CLPSL1: variants seen among roughly 807,000 people sequenced by gnomAD.
The protein encoded by CLPSL1 is colipase like 1.
A neutral mutation model predicts 9.3 loss-of-function variants in CLPSL1; 13 were observed. That is an observed-to-expected ratio of 1.40 (90% CI 0.91 to 2.22). CLPSL1 has a LOEUF of 2.22. Among genes scored for constraint, CLPSL1 ranks in the 30% most tolerant of loss-of-function variants. The pLI is 0.00. For missense variants in CLPSL1, 164 were observed against 146.6 expected (o/e 1.12, Z -0.61); for synonymous variants, 58 against 56.9 (o/e 1.02, Z -0.08).
chr6:35,793,939 G>T (rs1354845675), downstream of CLPSL1, among the ~76,000 whole-genome samples: 1 of 152,248 alleles, frequency 6.6e-6, no homozygotes, highest in African/African-American at 2.4e-5. Context: ...GGCTCCAGGG[G>T]ATATACAATT....
intron 1 of CLPSL1, among the ~76,000 whole-genome samples, chr6:35,783,650 CA>C (rs1422307759): frequency 6.7e-6 from 1 of 149,522 alleles, no homozygotes; most frequent in African/African-American, 2.5e-5. Context: ...ACTAAAAATA[CA>C]AAAAAAATTA....
downstream of CLPSL1, among the ~76,000 whole-genome samples, chr6:35,791,306 G>T (rs1037399788): frequency 6.6e-6 from 1 of 150,654 alleles, no homozygotes; most frequent in African/African-American, 2.4e-5. Flanking sequence ...TGAAAATATC[G>T]TAAGTTGAAA....
downstream of CLPSL1, among the ~76,000 whole-genome samples, chr6:35,792,484 T>C: frequency 6.6e-6 from 1 of 152,258 alleles, no homozygotes; most frequent in Non-Finnish European, 1.5e-5. Context: ...AGTTGAAAAA[T>C]TGTCAGTCAA....
chr6:35,786,861 A>C (rs1581953601), intron 1 of CLPSL1, 137 bp from the exon 2 acceptor site: 2 of 1,151,788 alleles, frequency 1.7e-6, no homozygotes. Context: ...CGTAGAGACC[A>C]CCCTGCCTGG....
chr6:35,785,475 C>T (rs1410120543), intron 1 of CLPSL1, among the ~76,000 whole-genome samples: 1 of 152,126 alleles, frequency 6.6e-6, no homozygotes, highest in Non-Finnish European at 1.5e-5. Flanking sequence ...CCATGCCTGG[C>T]CCTGTCCCCG....
chr6:35,781,309 C>T, intron 1 of CLPSL1, 100 bp downstream of exon 1: 1 of 1,471,508 alleles, frequency 6.8e-7, no homozygotes. Context: ...TGGGAGAAGG[C>T]CAGAAGTGGG....
chr6:35,781,210 G>T lies in CLPSL1; in HGVS notation c.99+1G>T, dbSNP rs758316974. 2 of 1,613,368 alleles carry T rather than the reference G, an allele frequency of 1.2e-6. No homozygotes were observed. The highest frequency in any genetic ancestry group is 1.1e-5 in the South Asian group (1 of 91,064). On this transcript the variant is annotated splice_donor_variant, in intron 1 of 2. Transcript: ENST00000373861. LOFTEE classifies it high-confidence loss of function. The stretch of plus-strand genomic sequence containing the variant: ...TTCTCCAACAAAATACAACCTTTTG[G>T]TAAGAAAGCTGGAGAGTGCAGTCAC...
At chr6:35,791,997 A>C (rs1167013191), downstream of CLPSL1, among the ~76,000 whole-genome samples, 1 of 151,670 alleles carries the variant, frequency 6.6e-6, no homozygotes, top group Non-Finnish European at 1.5e-5. Flanking sequence ...GATTCAGGAG[A>C]ATTGCTTGAA....
intron 2 of CLPSL1, 77 bp from the exon 3 acceptor site, chr6:35,787,790 G>T: frequency 7.1e-7 from 1 of 1,416,630 alleles, no homozygotes; most frequent in Non-Finnish European, 9.8e-7. Context: ...ATGGGCCCTG[G>T]AGCTGGGCTG....
intron 1 of CLPSL1, chr6:35,793,364 G>T: frequency 2.3e-6 from 1 of 441,396 alleles, no homozygotes; most frequent in South Asian, 1.6e-5. Flanking sequence ...GGCAGAAGTT[G>T]CAGGGAGCCG....
At chr6:35,785,015 G>C (rs9470094) in intron 1 of CLPSL1, among the ~76,000 whole-genome samples, 36,918 of 151,852 alleles carry the variant, frequency 0.24, 4,658 homozygotes, top group Non-Finnish European at 0.29. Context: ...CTCCAGTGTC[G>C]TGTGCCTCTC....
chr6:35,786,965 T>A (rs12110961), intron 1 of CLPSL1, 33 bp from the exon 2 acceptor site: 1 of 1,555,006 alleles, frequency 6.4e-7, no homozygotes, highest in South Asian at 1.2e-5. Context: ...AGGCGGGCGG[T>A]GGAGCCTGGC....
Position 35,788,079 on chromosome 6 carries a change from C to T in CLPSL1, c.*69C>T, listed in dbSNP as rs1768123962. 1.6e-6 allele frequency: 2 copies of T among 1,289,646 alleles called. No homozygotes were observed. The highest frequency in any genetic ancestry group is 2.2e-6 in the Non-Finnish European group (2 of 889,042). 79.9% of individuals were successfully genotyped at this position (1,289,646 alleles called of 1,614,324 possible). A position where few individuals can be genotyped will look rare whatever the true frequency, so the allele number is the denominator to read the frequency against. On this transcript the variant is annotated 3_prime_UTR_variant, in exon 3 of 3. Coordinates refer to ENST00000373861, the MANE Select transcript of CLPSL1 (RefSeq NM_001010886.5). ...CTCCCTACCCAGAGCTCTGTGTTCA[C>T]CCTGTTCCCCAGAGCCTCCACCATG...
At chr6:35,781,277 T>A (rs1767962498) in intron 1 of CLPSL1, 68 bp downstream of exon 1, 1 of 1,569,858 alleles carries the variant, frequency 6.4e-7, no homozygotes, top group Non-Finnish European at 8.6e-7. Flanking sequence ...TTTGGGGAGG[T>A]GAGCGGGCAT....
intron 1 of CLPSL1, among the ~76,000 whole-genome samples, chr6:35,786,300 A>G (rs751864183): frequency 3.9e-5 from 6 of 152,276 alleles, no homozygotes; most frequent in Admixed American, 1.3e-4. Flanking sequence ...CAGTTGCACT[A>G]CCACATTTCA....
intron 1 of CLPSL1, among the ~76,000 whole-genome samples, chr6:35,786,530 G>C (rs895169104): frequency 2.6e-5 from 4 of 152,218 alleles, no homozygotes; most frequent in African/African-American, 9.6e-5. Context: ...GAAATTGTCA[G>C]AGATGATGGG....
chr6:35,791,909 A>T (rs1252503353), downstream of CLPSL1, among the ~76,000 whole-genome samples: 1 of 146,292 alleles, frequency 6.8e-6, no homozygotes, highest in African/African-American at 2.7e-5. Flanking sequence ...CTCTACTAAA[A>T]ATACAAATAA....
At position 35,783,520 on chromosome 6, in the gene CLPSL1, A is replaced by AG. The variant is rs974401964; in HGVS notation, c.99+2317dup. ...GTGAGACTTTGTCTCAAAAAAAAAA[A>AG]GGGGGGCTGGGCGCGGTGGCTCATG... On this transcript the variant is annotated intron_variant, in intron 1 of 2. Transcript: ENST00000373861. 2.5e-4 allele frequency among the ~76,000 whole-genome samples: 37 copies of AG among 150,956 alleles called. No homozygotes were observed. In the South Asian group the frequency reaches 2.9e-3, roughly 12 times the overall value.
chr6:35,794,013 G>A (rs1768275642), downstream of CLPSL1, among the ~76,000 whole-genome samples: 1 of 152,218 alleles, frequency 6.6e-6, no homozygotes, highest in Non-Finnish European at 1.5e-5. Flanking sequence ...GCGAATAATT[G>A]GGAAAGAAAA....
Sources: allele counts gnomAD v4.1 joint callset (sites outside exome capture counted in the v4.1 genomes callset), GRCh38; gene constraint gnomAD v4.1.1; transcripts MANE v1.5; gene names NCBI Gene and HGNC (gene_info 2026-07-23, HGNC 2026-07-21).